RAB7A: variants seen among roughly 807,000 people sequenced by gnomAD.
RAB7A encodes the protein RAB7A, member RAS oncogene family.
A neutral mutation model predicts 24.5 loss-of-function variants in RAB7A; 2 were observed. The ratio of observed to expected loss-of-function variants is 0.08; its 90% confidence interval spans 0.03 to 0.26. The LOEUF (loss-of-function observed/expected upper bound fraction) is 0.26, where lower values mean the gene tolerates loss of function less well. Among genes scored for constraint, RAB7A ranks in the 10% least tolerant of loss-of-function variants. RAB7A has a pLI of 1.00. For synonymous variants in RAB7A, 100 were observed against 95.9 expected (o/e 1.04, Z -0.25); for missense variants, 118 against 255.7 (o/e 0.46, Z 3.67).
chr3:128,753,254 G>A (rs1184809601), intron 1 of RAB7A, among the ~76,000 whole-genome samples: 3 of 151,986 alleles, frequency 2.0e-5, no homozygotes, highest in Non-Finnish European at 2.9e-5. Flanking sequence ...AGTGAAGTTA[G>A]CCAAGCACAG....
intron 2 of RAB7A, 23 bp from the exon 3 acceptor site, chr3:128,797,920 T>G: frequency 6.2e-7 from 1 of 1,612,096 alleles, no homozygotes; most frequent in Non-Finnish European, 8.5e-7. Context: ...TGACTTATAC[T>G]TATGGTTTTT....
At chr3:128,780,913 C>CA (rs1407526145) in intron 1 of RAB7A, among the ~76,000 whole-genome samples, 3 of 152,152 alleles carry the variant, frequency 2.0e-5, no homozygotes, top group Non-Finnish European at 4.4e-5. Flanking sequence ...TAACAAAGGG[C>CA]ATTTTTGCCC....
chr3:128,762,793 A>G (rs1559785962), intron 1 of RAB7A, among the ~76,000 whole-genome samples: 1 of 152,222 alleles, frequency 6.6e-6, no homozygotes, highest in Non-Finnish European at 1.5e-5. Context: ...TCCTCCTCTA[A>G]TGTGGAATAG....
chr3:128,785,643 T>C (rs1381678621), intron 1 of RAB7A, among the ~76,000 whole-genome samples: 1 of 151,090 alleles, frequency 6.6e-6, no homozygotes, highest in Admixed American at 6.6e-5. Context: ...TCCTAGCTAT[T>C]CGGGAGGCTG....
At chr3:128,783,798 G>C (rs1287090357) in intron 1 of RAB7A, among the ~76,000 whole-genome samples, 1 of 152,204 alleles carries the variant, frequency 6.6e-6, no homozygotes, top group African/African-American at 2.4e-5. Flanking sequence ...TCTGAAGCTT[G>C]TTAAGGGATT....
chr3:128,728,943 A>G (rs564932825), intron 1 of RAB7A, among the ~76,000 whole-genome samples: 1 of 152,320 alleles, frequency 6.6e-6, no homozygotes, highest in African/African-American at 2.4e-5. Context: ...ACCATTCTAC[A>G]TAGAAAAGCT....
intron 1 of RAB7A, among the ~76,000 whole-genome samples, chr3:128,750,230 G>GA (rs1266985911): frequency 6.6e-6 from 1 of 152,158 alleles, no homozygotes; most frequent in Non-Finnish European, 1.5e-5. Flanking sequence ...TTTAACTTGA[G>GA]AGAGATGATT....
intron 1 of RAB7A, among the ~76,000 whole-genome samples, chr3:128,745,065 A>G (rs2070597592): frequency 6.6e-6 from 1 of 151,778 alleles, no homozygotes; most frequent in Non-Finnish European, 1.5e-5. Context: ...TAGTAGAGAC[A>G]GGGTTTCACT....
rs1933980926 is a variant in RAB7A at position 128,813,777 on chromosome 3, G to A, written c.*355G>A. ...TGGAAGCTTATTCTTTTTGTTCACT[G>A]GAGAGAGAGAGAACTGTTTACAGTT... On this transcript the variant is annotated 3_prime_UTR_variant, in exon 6 of 6. Transcript: ENST00000265062. 1 of 355,224 alleles carries A rather than the reference G, an allele frequency of 2.8e-6. No individual in the cohort carries two copies. The highest frequency in any genetic ancestry group is 3.9e-5 in the Admixed American group (1 of 25,816). 22.0% of individuals were successfully genotyped at this position (355,224 alleles called of 1,614,324 possible).
chr3:128,794,272 T>C (rs1433981646), intron 1 of RAB7A, among the ~76,000 whole-genome samples: 1 of 152,252 alleles, frequency 6.6e-6, no homozygotes, highest in Non-Finnish European at 1.5e-5. Context: ...ACTAGTCATC[T>C]GCTGTATTCT....
chr3:128,769,775 A>G (rs1358599409), intron 1 of RAB7A, among the ~76,000 whole-genome samples: 2 of 152,192 alleles, frequency 1.3e-5, no homozygotes, highest in Non-Finnish European at 2.9e-5. Flanking sequence ...ACAAAATAGG[A>G]TGAAAACTCC....
rs570851684 is a variant in RAB7A at position 128,790,904 on chromosome 3, A to AAAC, written c.-8-4437_-8-4435dup. 3.1e-3 allele frequency among the ~76,000 whole-genome samples: 478 copies of AAAC among 152,180 alleles called. 3 individuals are homozygous for AAAC. The highest frequency in any genetic ancestry group is 6.1e-3 in the Admixed American group (93 of 15,280). On this transcript the variant is annotated intron_variant, in intron 1 of 5. Transcript: ENST00000265062. ...CCCCAGCCTCCCCTTCCCACCTCAA[A>AAAC]AACAACAACAACAACAACAACCCTG...
intron 1 of RAB7A, among the ~76,000 whole-genome samples, chr3:128,792,856 TATTTATTC>T (rs1361053807): frequency 2.4e-4 from 35 of 145,874 alleles, no homozygotes; most frequent in East Asian, 1.8e-3. Flanking sequence ...TTTATTTATT[TATTTATTC>T]ATTTGAGACA....
At chr3:128,792,445 C>G (rs929238101) in intron 1 of RAB7A, among the ~76,000 whole-genome samples, 1 of 151,866 alleles carries the variant, frequency 6.6e-6, no homozygotes, top group African/African-American at 2.4e-5. Flanking sequence ...CTTGCTCTGT[C>G]GCCCAGGCTG....
At chr3:128,739,881 A>C (rs1184345296) in intron 1 of RAB7A, among the ~76,000 whole-genome samples, 1 of 152,164 alleles carries the variant, frequency 6.6e-6, no homozygotes, top group African/African-American at 2.4e-5. Flanking sequence ...AGCGTGACCA[A>C]CATGGTAAAA....
chr3:128,782,674 C>T (rs976956125), intron 1 of RAB7A, among the ~76,000 whole-genome samples: 1 of 108,894 alleles, frequency 9.2e-6, no homozygotes. Flanking sequence ...CTGGAAATGG[C>T]GGGGTGGGGG....
chr3:128,732,107 T>A (rs540523380), intron 1 of RAB7A, among the ~76,000 whole-genome samples: 44 of 148,824 alleles, frequency 3.0e-4, no homozygotes, highest in Non-Finnish European at 5.2e-4. Context: ...TAGCATGATC[T>A]CGGCTCACTG....
At chr3:128,798,459 A>G (rs892893697) in intron 3 of RAB7A, 4 of 202,110 alleles carry the variant, frequency 2.0e-5, no homozygotes, top group African/African-American at 9.5e-5. Flanking sequence ...GTAGTGAGAC[A>G]TAAACTTTAT....
intron 1 of RAB7A, among the ~76,000 whole-genome samples, chr3:128,772,007 G>A (rs950252612): frequency 2.6e-5 from 4 of 152,194 alleles, no homozygotes; most frequent in African/African-American, 4.8e-5. Context: ...TTTTCAAAAA[G>A]GGTAAGATCA....
Sources: allele counts gnomAD v4.1 joint callset (sites outside exome capture counted in the v4.1 genomes callset), GRCh38; gene constraint gnomAD v4.1.1; transcripts MANE v1.5; gene names NCBI Gene and HGNC (gene_info 2026-07-23, HGNC 2026-07-21).